Variants in GSK3B observed in about 807,000 individuals in gnomAD.
The protein encoded by GSK3B is glycogen synthase kinase-3 beta.
GSK3B carries 15 observed loss-of-function variants against 56.4 expected under a neutral mutation model. The ratio of observed to expected loss-of-function variants is 0.27; its 90% CI spans 0.18 to 0.41. The LOEUF (loss-of-function observed/expected upper bound fraction) is 0.41. Among genes scored for constraint, GSK3B ranks in the 10% least tolerant of loss-of-function variants. The pLI, the probability that GSK3B is intolerant of heterozygous loss-of-function variation, is 1.00. For synonymous variants in GSK3B, 181 were observed against 188.9 expected (o/e 0.96, Z 0.34); for missense variants, 300 against 513.4 (o/e 0.58, Z 4.02).
At chr3:119,996,384 A>G (rs1576257437) in intron 2 of GSK3B, among the ~76,000 whole-genome samples, 1 of 152,230 alleles carries the variant, frequency 6.6e-6, no homozygotes, top group Non-Finnish European at 1.5e-5. Context: ...TATAAAAACC[A>G]TAGTATCTAA....
chr3:119,976,543 G>A (rs1393648220), intron 2 of GSK3B, among the ~76,000 whole-genome samples: 1 of 152,026 alleles, frequency 6.6e-6, no homozygotes, highest in African/African-American at 2.4e-5. Context: ...TAGTTTCCAG[G>A]GCCTGGGGGA....
intron 2 of GSK3B, among the ~76,000 whole-genome samples, chr3:119,961,625 T>C (rs139222059): frequency 0.043 from 4,834 of 113,268 alleles, 306 homozygotes; most frequent in African/African-American, 0.18. Context: ...AGACTCTGTC[T>C]CACAAACAAA....
intron 9 of GSK3B, among the ~76,000 whole-genome samples, chr3:119,860,969 C>G (rs11923782): frequency 0.091 from 13,921 of 152,176 alleles, 784 homozygotes; most frequent in Non-Finnish European, 0.12. Flanking sequence ...CTTCACCAGA[C>G]CCACAATGTT....
At chr3:119,976,791 A>C (rs2057413216) in intron 2 of GSK3B, among the ~76,000 whole-genome samples, 1 of 150,942 alleles carries the variant, frequency 6.6e-6, no homozygotes, top group South Asian at 2.1e-4. Flanking sequence ...AAAAATAGAA[A>C]GGTTTTAGTG....
intron 1 of GSK3B, among the ~76,000 whole-genome samples, chr3:120,069,549 T>G (rs917141690): frequency 2.0e-5 from 3 of 152,000 alleles, no homozygotes; most frequent in African/African-American, 7.3e-5. Flanking sequence ...TTCATTCACA[T>G]CTCACCATAA....
intron 1 of GSK3B, among the ~76,000 whole-genome samples, chr3:120,039,021 T>C (rs2058044920): frequency 6.6e-6 from 1 of 151,868 alleles, no homozygotes; most frequent in Admixed American, 6.6e-5. Flanking sequence ...AATTAAAAAG[T>C]GTACAAAAAA....
rs2055433701 is a variant in GSK3B, at chr3:119,822,785, G to C, written c.*4003C>G. The C allele has an allele frequency of 8.8e-6, 2 of 228,532 alleles. No homozygotes were observed. The highest frequency in any genetic ancestry group is 1.7e-5 in the Non-Finnish European group (2 of 115,252). The allele number at this position is 228,532 out of a possible 1,614,324, so 14.2% of individuals were successfully genotyped here. On this transcript the variant is annotated 3_prime_UTR_variant, in exon 11 of 11. Coordinates refer to ENST00000264235, the MANE Select transcript of GSK3B (RefSeq NM_001146156.2). The stretch of plus-strand genomic sequence containing the variant: ...AGATGATCACTAACATGAACAGTAG[G>C]AATCAGATACAATTTCAGTTGAAAA...
Position 119,937,283 on chromosome 3 carries a change from T to C in GSK3B, c.366+9985A>G, listed in dbSNP as rs569857106. Among the ~76,000 whole-genome samples the C allele has an allele frequency of 1.1e-4, 17 of 152,236 alleles. No homozygotes were observed. The South Asian group carries it at 3.3e-3, about 30-fold the overall frequency. On this transcript the variant is annotated intron_variant, in intron 3 of 10. Transcript: ENST00000264235. ...ACCACAGAGGTGGATCCCTCATGAA[T>C]GGAATTGTGCCTTCCTCTTGGTAAT...
chr3:120,012,982 C>G (rs894633758), intron 1 of GSK3B, among the ~76,000 whole-genome samples: 1 of 152,168 alleles, frequency 6.6e-6, no homozygotes, highest in Non-Finnish European at 1.5e-5. Context: ...ACCACTGTAT[C>G]CAGTCTAGAA....
intron 1 of GSK3B, chr3:120,028,779 G>T: frequency 8.6e-6 from 4 of 467,362 alleles, no homozygotes; most frequent in South Asian, 6.6e-5. Flanking sequence ...TTGGGGCAGC[G>T]ACCAGGCGTG....
At chr3:119,868,669 A>G (rs910321168) in intron 8 of GSK3B, among the ~76,000 whole-genome samples, 1 of 152,240 alleles carries the variant, frequency 6.6e-6, no homozygotes, top group African/African-American at 2.4e-5. Context: ...GTGATAATTA[A>G]TCTAACAGAA....
At chr3:119,924,913 T>C (rs1310466162) in intron 3 of GSK3B, among the ~76,000 whole-genome samples, 1 of 152,236 alleles carries the variant, frequency 6.6e-6, no homozygotes, top group East Asian at 1.9e-4. Context: ...CTTGTGGTTT[T>C]TCCACAACCC....
intron 2 of GSK3B, among the ~76,000 whole-genome samples, chr3:119,989,594 G>C (rs540831195): frequency 3.6e-4 from 54 of 151,250 alleles, no homozygotes; most frequent in African/African-American, 1.3e-3. Context: ...GCATTGAGCT[G>C]AGATTGCGCC....
intron 3 of GSK3B, among the ~76,000 whole-genome samples, chr3:119,940,095 AGTGTGTGTGTGTGTTTGTGT>A (rs552719347): frequency 1.5e-5 from 2 of 133,882 alleles, no homozygotes; most frequent in Admixed American, 7.0e-5. Context: ...CAGTAACAAA[AGTGTGTGTGTGTGTTTGTGT>A]GTGTGTGTGT....
intron 7 of GSK3B, among the ~76,000 whole-genome samples, chr3:119,904,303 G>T (rs1009116459): frequency 6.6e-6 from 1 of 151,970 alleles, no homozygotes; most frequent in African/African-American, 2.4e-5. Flanking sequence ...TAGGCTTTTA[G>T]AAAATAAAGA....
chr3:119,964,080 T>C (rs988161977), intron 2 of GSK3B, among the ~76,000 whole-genome samples: 2 of 152,106 alleles, frequency 1.3e-5, no homozygotes, highest in African/African-American at 4.8e-5. Flanking sequence ...GCCTATGGAA[T>C]GGAAGAAAAT....
chr3:119,980,584 C>T (rs1256479203), intron 2 of GSK3B, among the ~76,000 whole-genome samples: 1 of 152,180 alleles, frequency 6.6e-6, no homozygotes, highest in Non-Finnish European at 1.5e-5. Flanking sequence ...AAACTCCCAA[C>T]CTCAGGTAAC....
chr3:119,825,758 A>C lies in GSK3B; in HGVS notation c.*1030T>G, dbSNP rs189300766. Reference sequence around the variant, plus strand: ...TTTCAATTAAAAAATATGAAAAATAAACCAGTAGATGACTGTTACAGTTCA... The same window carrying C: ...TTTCAATTAAAAAATATGAAAAATACACCAGTAGATGACTGTTACAGTTCA... On this transcript the variant is annotated 3_prime_UTR_variant, in exon 11 of 11. Coordinates refer to ENST00000264235, the MANE Select transcript of GSK3B (RefSeq NM_001146156.2). 1 of 225,192 alleles carries C rather than the reference A, an allele frequency of 4.4e-6. No homozygotes were observed. Among genetic ancestry groups the C allele is most frequent in the African/African-American group, 2.2e-5 (1 of 45,086 alleles). The allele number at this position is 225,192 out of a possible 1,614,324, so 13.9% of individuals were successfully genotyped here.
chr3:119,891,109 T>C (rs2056496689), intron 7 of GSK3B, among the ~76,000 whole-genome samples: 1 of 151,856 alleles, frequency 6.6e-6, no homozygotes, highest in Non-Finnish European at 1.5e-5. Context: ...GTGAAAGTGC[T>C]ACACTGCACT....
Sources: allele counts gnomAD v4.1 joint callset (sites outside exome capture counted in the v4.1 genomes callset), GRCh38; gene constraint gnomAD v4.1.1; transcripts MANE v1.5; gene names NCBI Gene and HGNC (gene_info 2026-07-23, HGNC 2026-07-21).